Variants in XPR1 observed in about 807,000 individuals in gnomAD.
XPR1 encodes the protein xenotropic and polytropic retrovirus receptor 1.
XPR1 carries 28 observed loss-of-function variants against 87.5 expected under a neutral mutation model. The ratio of observed to expected loss-of-function variants is 0.32; its 90% CI spans 0.24 to 0.44. The LOEUF is 0.44. Ranked by LOEUF, XPR1 falls within the 20% of genes least tolerant of loss-of-function variation. XPR1 has a pLI of 1.00. For missense variants in XPR1, 559 were observed against 862.3 expected, an observed-to-expected ratio of 0.65 and a Z score of 4.41; for synonymous variants, 300 against 306.1, an observed-to-expected ratio of 0.98 and a Z score of 0.21.
chr1:180,811,451 A>C lies in XPR1; in HGVS notation c.726A>C (p.Gly242=), dbSNP rs778419640. 1.8e-5 allele frequency: 29 copies of C among 1,613,338 alleles called. No homozygotes were observed. Among genetic ancestry groups the C allele is most frequent in the Non-Finnish European group, 2.4e-5 (28 of 1,179,716 alleles). ...WTTFRVGLFC[G]IFIVLNITLV... The stretch of plus-strand genomic sequence containing the variant: ...CTTTTAGAGTTGGCCTATTTTGTGG[A>C]ATATTCATTGTACTGAATATTACCC... Residue 242 remains glycine, a synonymous_variant, in exon 7 of 15, where the codon GGA becomes GGC. Coordinates refer to ENST00000367590, the MANE Select transcript of XPR1 (RefSeq NM_004736.4).
At chr1:180,666,188 G>A (rs1203740563) in intron 1 of XPR1, among the ~76,000 whole-genome samples, 1 of 152,154 alleles carries the variant, frequency 6.6e-6, no homozygotes, top group African/African-American at 2.4e-5. Flanking sequence ...TTGGATTATT[G>A]TAGCTTTGTA....
At chr1:180,762,592 C>A (rs10798788) in intron 2 of XPR1, among the ~76,000 whole-genome samples, 66,396 of 151,930 alleles carry the variant, frequency 0.44, 14,905 homozygotes, top group Non-Finnish European at 0.46. Flanking sequence ...ACAGGCTGGC[C>A]TTAACTTTTT....
At chr1:180,676,852 G>A (rs962911683) in intron 1 of XPR1, among the ~76,000 whole-genome samples, 3 of 152,102 alleles carry the variant, frequency 2.0e-5, no homozygotes, top group African/African-American at 7.2e-5. Context: ...CTTAGAAAAT[G>A]TAATGTAATG....
At chr1:180,776,290 T>C (rs1206089101) in intron 2 of XPR1, among the ~76,000 whole-genome samples, 1 of 152,174 alleles carries the variant, frequency 6.6e-6, no homozygotes, top group African/African-American at 2.4e-5. Flanking sequence ...TTATTTATGT[T>C]AACAATATTT....
intron 7 of XPR1, among the ~76,000 whole-genome samples, chr1:180,818,296 T>C (rs1650486185): frequency 6.6e-6 from 1 of 152,008 alleles, no homozygotes. Context: ...GGACTGTAAT[T>C]TTGTAAGTTT....
intron 11 of XPR1, among the ~76,000 whole-genome samples, chr1:180,848,627 G>A (rs1651767883): frequency 6.6e-6 from 1 of 152,066 alleles, no homozygotes; most frequent in African/African-American, 2.4e-5. Context: ...GTAAACATGG[G>A]ACTGCAGATG....
In XPR1 at chr1:180,642,903, G is replaced by A. The variant is rs541184776; in HGVS notation, c.69+10633G>A. Among the ~76,000 whole-genome samples, 12 of 152,228 alleles carry A rather than the reference G, an allele frequency of 7.9e-5. No homozygotes were observed. The South Asian group carries it at 2.5e-3, about 32-fold the overall frequency. ...GTTAACACATAGTGAAGAGGGGAAA[G>A]GGCACCTGGGGAAATCTAGGAGTTA... is the stretch of plus-strand genomic sequence containing the variant. On this transcript the variant is annotated intron_variant, in intron 1 of 14. Transcript: ENST00000367590.
At chr1:180,698,504 T>C (rs975716934) in intron 2 of XPR1, among the ~76,000 whole-genome samples, 12 of 150,920 alleles carry the variant, frequency 8.0e-5, no homozygotes, top group Admixed American at 2.0e-4. Context: ...CTTTGCTTTT[T>C]TCTTCTGTTC....
chr1:180,850,144 C>G lies in XPR1; in HGVS notation c.1501+13428C>G, dbSNP rs184292925. ...CATTTGAGATAATACAGGTTTTACTCTACTTCTAAAAATATTTTATTTAAA... is the reference window on the plus strand; with the variant it reads ...CATTTGAGATAATACAGGTTTTACTGTACTTCTAAAAATATTTTATTTAAA... On this transcript the variant is annotated intron_variant, in intron 11 of 14. Coordinates refer to ENST00000367590, the MANE Select transcript of XPR1 (RefSeq NM_004736.4). 2.2e-3 allele frequency among the ~76,000 whole-genome samples: 328 copies of G among 152,182 alleles called. 1 individual carries two copies. The highest frequency in any genetic ancestry group is 6.8e-3 in the African/African-American group (282 of 41,534).
chr1:180,680,856 C>T (rs777685837), intron 1 of XPR1, among the ~76,000 whole-genome samples: 1 of 152,144 alleles, frequency 6.6e-6, no homozygotes, highest in Non-Finnish European at 1.5e-5. Flanking sequence ...TGTATATATA[C>T]ACAAAGGAAC....
chr1:180,729,944 T>C (rs1022251716), intron 2 of XPR1, among the ~76,000 whole-genome samples: 8 of 152,224 alleles, frequency 5.3e-5, no homozygotes, highest in African/African-American at 1.9e-4. Context: ...TTTTGGCACC[T>C]TCAGCATGAA....
intron 6 of XPR1, 63 bp from the exon 7 acceptor site, chr1:180,811,344 C>T (rs1650205732): frequency 7.9e-7 from 1 of 1,272,884 alleles, no homozygotes; most frequent in Non-Finnish European, 1.1e-6. Context: ...TATTTTATTA[C>T]AGCATATAGT....
intron 13 of XPR1, among the ~76,000 whole-genome samples, chr1:180,879,630 C>G (rs939422969): frequency 6.6e-6 from 1 of 152,196 alleles, no homozygotes; most frequent in Non-Finnish European, 1.5e-5. Flanking sequence ...CTTTCCCTAA[C>G]CAGTCTTAAT....
intron 1 of XPR1, among the ~76,000 whole-genome samples, chr1:180,680,307 G>A (rs1237072252): frequency 1.4e-5 from 2 of 146,668 alleles, no homozygotes; most frequent in African/African-American, 5.0e-5. Flanking sequence ...AACTAGTACA[G>A]CTACTATGGA....
At chr1:180,733,314 C>T (rs1374569154) in intron 2 of XPR1, among the ~76,000 whole-genome samples, 3 of 152,202 alleles carry the variant, frequency 2.0e-5, no homozygotes, top group African/African-American at 7.2e-5. Flanking sequence ...CAGCACTTCC[C>T]TTCCCCGCTT....
rs970762851 is a variant in XPR1, at chr1:180,632,118, C to G, written c.-84C>G. ...GCGCAGCGCCGCGCCGCGCCGGGGCCCATGTGGGGAGGAGTCGGAGTCGCT... is the reference window on the plus strand; with the variant it reads ...GCGCAGCGCCGCGCCGCGCCGGGGCGCATGTGGGGAGGAGTCGGAGTCGCT... On this transcript the variant is annotated 5_prime_UTR_variant, in exon 1 of 15. Transcript: ENST00000367590. The G allele has an allele frequency of 6.0e-6, 9 of 1,500,780 alleles. No individual in the cohort carries two copies. The African/African-American group carries it at 1.2e-4, about 21-fold the overall frequency. 93.0% of individuals were successfully genotyped at this position (1,500,780 alleles called of 1,614,324 possible).
At chr1:180,748,609 G>T (rs1208020965) in intron 2 of XPR1, among the ~76,000 whole-genome samples, 3 of 151,484 alleles carry the variant, frequency 2.0e-5, no homozygotes, top group Admixed American at 2.0e-4. Context: ...GTAGATGTGG[G>T]ATTTCTCCAT....
chr1:180,745,525 T>C (rs1002086471), intron 2 of XPR1, among the ~76,000 whole-genome samples: 6 of 152,226 alleles, frequency 3.9e-5, no homozygotes, highest in African/African-American at 1.4e-4. Context: ...TTACTACTGT[T>C]CTCACTGCCA....
intron 1 of XPR1, among the ~76,000 whole-genome samples, chr1:180,641,420 C>T (rs1654957407): frequency 2.0e-5 from 3 of 152,106 alleles, no homozygotes; most frequent in Admixed American, 2.0e-4. Context: ...TGGAAAATGG[C>T]TTTGTTGATT....
Sources: allele counts gnomAD v4.1 joint callset (sites outside exome capture counted in the v4.1 genomes callset), GRCh38; gene constraint gnomAD v4.1.1; transcripts MANE v1.5; gene names NCBI Gene and HGNC (gene_info 2026-07-23, HGNC 2026-07-21).